LHFPL4: variants seen among roughly 807,000 people sequenced by gnomAD.
LHFPL4 encodes the protein LHFPL tetraspan subfamily member 4, also known as LHFPL tetraspan subfamily member 4 protein.
LHFPL4 carries 6 observed loss-of-function variants against 20.0 expected under a neutral mutation model. That is an observed-to-expected ratio of 0.30 (90% confidence interval 0.16 to 0.59). The LOEUF is 0.59. LHFPL4 is among the 20% of genes least tolerant of loss of function. The pLI is 0.88. For synonymous variants in LHFPL4, 129 were observed against 143.8 expected (o/e 0.90, Z 0.74); for missense variants, 215 against 331.2 (o/e 0.65, Z 2.72).
rs141344969 is a variant in LHFPL4 at position 9,542,440 on chromosome 3, G to A, written c.406+9834C>T. Among the ~76,000 whole-genome samples, 655 of 152,252 alleles carry A rather than the reference G, an allele frequency of 4.3e-3. 6 individuals carry two copies. The highest frequency in any genetic ancestry group is 0.014 in the African/African-American group (599 of 41,554). ...ATATTATTCAGCCATAAAAAGAAAT[G>A]AAATATTGATATGTGCTCTAACATG... On this transcript the variant is annotated intron_variant, in intron 2 of 3. Coordinates refer to ENST00000287585, the MANE Select transcript of LHFPL4 (RefSeq NM_198560.3).
intron 2 of LHFPL4, among the ~76,000 whole-genome samples, chr3:9,541,346 A>G (rs2046475015): frequency 6.6e-6 from 1 of 152,262 alleles, no homozygotes. Flanking sequence ...TCTATAGTCA[A>G]TTGACATTTG....
At chr3:9,547,562 C>G (rs188231989) in intron 2 of LHFPL4, among the ~76,000 whole-genome samples, 3 of 152,242 alleles carry the variant, frequency 2.0e-5, no homozygotes, top group Admixed American at 2.0e-4. Flanking sequence ...GACCTTGGAG[C>G]AAGTTATTTC....
chr3:9,514,879 C>T (rs956907441), intron 2 of LHFPL4, among the ~76,000 whole-genome samples: 1 of 152,114 alleles, frequency 6.6e-6, no homozygotes, highest in African/African-American at 2.4e-5. Context: ...CTGGATATGC[C>T]ATAGTTTATT....
At chr3:9,505,942 GC>G in intron 3 of LHFPL4, 24 bp downstream of exon 3, 1 of 1,602,270 alleles carries the variant, frequency 6.2e-7, no homozygotes. Context: ...TCCCGCCGCT[GC>G]CCCCCAGCCC....
chr3:9,534,381 T>A (rs1163994356), intron 2 of LHFPL4, among the ~76,000 whole-genome samples: 2 of 152,160 alleles, frequency 1.3e-5, no homozygotes, highest in Non-Finnish European at 2.9e-5. Context: ...GCTCCTTATG[T>A]GCTGGTGTGG....
Position 9,506,577 on chromosome 3 carries a change from A to ATTG in LHFPL4, c.407-377_407-375dup, listed in dbSNP as rs543005361. Among the ~76,000 whole-genome samples the ATTG allele has an allele frequency of 1.1e-3, 165 of 151,984 alleles. No individual in the cohort carries two copies. Among genetic ancestry groups the ATTG allele is most frequent in the African/African-American group, 3.8e-3 (159 of 41,434 alleles). Reference sequence around the variant, plus strand: ...CTCTCCCATCCTCATTATTATTATTATTGTTGTCGTTGTTGTTGTTTGAGA... The same window carrying ATTG: ...CTCTCCCATCCTCATTATTATTATTATTGTTGTTGTCGTTGTTGTTGTTTGAGA... On this transcript the variant is annotated intron_variant, in intron 2 of 3. Coordinates refer to ENST00000287585, the MANE Select transcript of LHFPL4 (RefSeq NM_198560.3). The surrounding 1 kb of genome is among the most constrained non-coding windows in gnomAD (Gnocchi z 4.5).
rs575010121 is a variant in LHFPL4, at chr3:9,500,047, C to T, written c.*2164G>A. 1.3e-5 allele frequency: 2 copies of T among 152,080 alleles called. No individual in the cohort carries two copies. Among genetic ancestry groups the T allele is most frequent in the Admixed American group, 6.6e-5 (1 of 15,056 alleles). 9.4% of individuals were successfully genotyped at this position (152,080 alleles called of 1,614,324 possible). A position where few individuals can be genotyped will look rare whatever the true frequency, so the allele number is the denominator to read the frequency against. ...ACCTCTGCCCCGTCTCTCTCGATCT[C>T]TCCTCCTCGCGCTGTTTCTCTGTGC... On this transcript the variant is annotated 3_prime_UTR_variant, in exon 4 of 4. Coordinates refer to ENST00000287585, the MANE Select transcript of LHFPL4 (RefSeq NM_198560.3).
intron 2 of LHFPL4, among the ~76,000 whole-genome samples, chr3:9,536,350 C>G (rs2046444305): frequency 6.6e-6 from 1 of 152,096 alleles, no homozygotes; most frequent in Non-Finnish European, 1.5e-5. Flanking sequence ...TCTTAATGCC[C>G]CTATCAGCTC....
chr3:9,518,429 G>T (rs934915908), intron 2 of LHFPL4, among the ~76,000 whole-genome samples: 1 of 152,152 alleles, frequency 6.6e-6, no homozygotes, highest in Non-Finnish European at 1.5e-5. Flanking sequence ...ATAAAAATGA[G>T]TTAGGAAGTT....
intron 2 of LHFPL4, among the ~76,000 whole-genome samples, chr3:9,529,316 C>T (rs903266484): frequency 6.6e-6 from 1 of 152,060 alleles, no homozygotes; most frequent in Non-Finnish European, 1.5e-5. Context: ...TGCGAGCCAC[C>T]GCGCCCGGCC....
chr3:9,545,697 C>T (rs1350700479), intron 2 of LHFPL4, among the ~76,000 whole-genome samples: 4 of 151,882 alleles, frequency 2.6e-5, no homozygotes, highest in African/African-American at 9.7e-5. Context: ...GCCTGGGCAA[C>T]AGAGTGAGAC....
chr3:9,519,699 C>T (rs1553647187), intron 2 of LHFPL4, among the ~76,000 whole-genome samples: 1 of 151,920 alleles, frequency 6.6e-6, no homozygotes, highest in Non-Finnish European at 1.5e-5. Context: ...GCTAGGACTA[C>T]AGGCATGTGC....
At chr3:9,517,907 CCTTTT>C (rs1465308655) in intron 2 of LHFPL4, among the ~76,000 whole-genome samples, 1 of 148,636 alleles carries the variant, frequency 6.7e-6, no homozygotes, top group Non-Finnish European at 1.5e-5. Context: ...AATCTGTATT[CCTTTT>C]ATTTCCTTTT....
intron 2 of LHFPL4, among the ~76,000 whole-genome samples, chr3:9,526,580 C>T (rs2046377222): frequency 6.6e-6 from 1 of 152,158 alleles, no homozygotes; most frequent in South Asian, 2.1e-4. Flanking sequence ...TAATTGCGTT[C>T]CCTCAAAAAG....
chr3:9,523,595 C>T (rs1180412299), intron 2 of LHFPL4, among the ~76,000 whole-genome samples: 1 of 151,684 alleles, frequency 6.6e-6, no homozygotes, highest in Non-Finnish European at 1.5e-5. Context: ...GCCCCAGCCT[C>T]CCGAGTAGCT....
intron 2 of LHFPL4, among the ~76,000 whole-genome samples, chr3:9,517,300 A>G (rs56061904): frequency 0.31 from 46,942 of 151,998 alleles, 7,677 homozygotes; most frequent in Non-Finnish European, 0.36. Flanking sequence ...TGTTGGCAAG[A>G]ACAAACATCT....
In LHFPL4 at chr3:9,550,610, T is replaced by A. The variant is rs560533075; in HGVS notation, c.406+1664A>T. ...TGAAAGCCAAGAGGTCAGCAACCCATCTGCAGACTCCAAATTAAGGTTGAT... is the reference window on the plus strand; with the variant it reads ...TGAAAGCCAAGAGGTCAGCAACCCAACTGCAGACTCCAAATTAAGGTTGAT... On this transcript the variant is annotated intron_variant, in intron 2 of 3. Transcript: ENST00000287585. 2.6e-5 allele frequency: 4 copies of A among 152,328 alleles called. No homozygotes were observed. The South Asian group carries it at 8.3e-4, about 32-fold the overall frequency. The allele number at this position is 152,328 out of a possible 1,614,324, so 9.4% of individuals were successfully genotyped here. A position where few individuals can be genotyped will look rare whatever the true frequency, so the allele number is the denominator to read the frequency against.
chr3:9,535,826 G>T (rs1039193062), intron 2 of LHFPL4, among the ~76,000 whole-genome samples: 10 of 151,860 alleles, frequency 6.6e-5, no homozygotes, highest in African/African-American at 2.4e-4. Context: ...TTTGAGATAG[G>T]GTCTCACTCT....
At chr3:9,522,252 C>T (rs2046342578) in intron 2 of LHFPL4, among the ~76,000 whole-genome samples, 1 of 151,890 alleles carries the variant, frequency 6.6e-6, no homozygotes, top group African/African-American at 2.4e-5. Context: ...CCTTGGCCTC[C>T]CAAAGTGTTG....
Sources: gnomAD v4.1 joint callset for allele counts (sites outside exome capture counted in the v4.1 genomes callset) on GRCh38, gnomAD v4.1.1 for gene constraint, Gnocchi (gnomAD v3.1) non-coding constraint, MANE v1.5 for transcripts, NCBI Gene and HGNC (gene_info 2026-07-23, HGNC 2026-07-21) for gene names.